TRIP12: variants seen among roughly 807,000 people sequenced by gnomAD.
The protein encoded by TRIP12 is E3 ubiquitin-protein ligase TRIP12.
A neutral mutation model predicts 244.2 loss-of-function variants in TRIP12; 25 were observed. The observed-to-expected ratio is 0.10, with a 90% CI of 0.07 to 0.14. The LOEUF (loss-of-function observed/expected upper bound fraction) is 0.14. Ranked by LOEUF, TRIP12 falls within the 10% of genes least tolerant of loss-of-function variation. The pLI is 1.00. For missense variants in TRIP12, 1,677 were observed against 2,486.4 expected (o/e 0.67, Z 6.92); for synonymous variants, 905 against 873.1 (o/e 1.04, Z -0.64).
intron 20 of TRIP12, among the ~76,000 whole-genome samples, chr2:229,802,971 G>A (rs1404041492): frequency 6.6e-6 from 1 of 152,206 alleles, no homozygotes; most frequent in Admixed American, 6.5e-5. Context: ...TAACTTGTGA[G>A]GCAGGGGTTC....
chr2:229,871,737 T>A (rs2062639222), intron 2 of TRIP12, among the ~76,000 whole-genome samples: 1 of 152,154 alleles, frequency 6.6e-6, no homozygotes, highest in East Asian at 1.9e-4. Context: ...AATTTGAAAT[T>A]AGAAAATACA....
At chr2:229,890,465 A>G (rs893444234) in intron 1 of TRIP12, among the ~76,000 whole-genome samples, 1 of 152,216 alleles carries the variant, frequency 6.6e-6, no homozygotes, top group Non-Finnish European at 1.5e-5. Context: ...AATAAAAAAT[A>G]TTTTAACGTT....
chr2:229,806,389 T>C (rs1366929611), intron 17 of TRIP12, among the ~76,000 whole-genome samples: 1 of 152,190 alleles, frequency 6.6e-6, no homozygotes, highest in African/African-American at 2.4e-5. Context: ...TGAAACAGAT[T>C]AATCGCCAAG....
chr2:229,805,248 A>ACAACAACAACAACAAC (rs11276140), intron 18 of TRIP12, among the ~76,000 whole-genome samples: 1 of 151,974 alleles, frequency 6.6e-6, no homozygotes, highest in Non-Finnish European at 1.5e-5. Context: ...AACAACAACA[A>ACAACAACAACAACAAC]AAATATTTGC....
intron 6 of TRIP12, among the ~76,000 whole-genome samples, chr2:229,835,446 A>G (rs1331954685): frequency 6.6e-6 from 1 of 152,218 alleles, no homozygotes; most frequent in Non-Finnish European, 1.5e-5. Flanking sequence ...TATAAATTAT[A>G]TAAACTCTTG....
chr2:229,840,283 C>T (rs1348185702), intron 5 of TRIP12, among the ~76,000 whole-genome samples: 6 of 151,986 alleles, frequency 3.9e-5, no homozygotes, highest in Middle Eastern at 3.4e-3. Context: ...ATAAAAGTAT[C>T]GTCAAGAAAT....
At chr2:229,869,226 C>T (rs2062093189) in intron 2 of TRIP12, among the ~76,000 whole-genome samples, 1 of 152,132 alleles carries the variant, frequency 6.6e-6, no homozygotes, top group African/African-American at 2.4e-5. Context: ...TTCCTTACTC[C>T]AATCATGTTT....
At chr2:229,849,731 G>C (rs1443014492) in intron 4 of TRIP12, among the ~76,000 whole-genome samples, 1 of 151,978 alleles carries the variant, frequency 6.6e-6, no homozygotes, top group Non-Finnish European at 1.5e-5. Flanking sequence ...AAATTAGCTG[G>C]GTATGGTGGC....
intron 1 of TRIP12, among the ~76,000 whole-genome samples, chr2:229,897,386 G>A (rs1189362813): frequency 6.6e-6 from 1 of 152,188 alleles, no homozygotes; most frequent in Non-Finnish European, 1.5e-5. Flanking sequence ...AGTGGCTCAC[G>A]CCTGTAATCC....
chr2:229,891,593 C>A (rs1459458008), intron 1 of TRIP12, among the ~76,000 whole-genome samples: 1 of 151,896 alleles, frequency 6.6e-6, no homozygotes, highest in African/African-American at 2.4e-5. Context: ...CAGAGGGAGA[C>A]CCTGCGTCAA....
In TRIP12 at chr2:229,778,780, A is replaced by G; in HGVS notation, c.5209+96T>C. On this transcript the variant is annotated intron_variant, in intron 35 of 41. Coordinates refer to ENST00000675903, the MANE Select transcript of TRIP12 (RefSeq NM_001348323.3). This position sits in a 1 kb window ranked among gnomAD's most constrained non-coding sequence, Gnocchi z 4.1. The stretch of plus-strand genomic sequence containing the variant: ...ACAGAGGCTAAAAGAAAGCAAGTAC[A>G]GCTGTCCATTAGAAATTAAATATGT... The G allele has an allele frequency of 7.3e-7, 1 of 1,370,900 alleles. No individual in the cohort carries two copies. Among genetic ancestry groups the G allele is most frequent in the Admixed American group, 1.9e-5 (1 of 53,292 alleles). 84.9% of individuals were successfully genotyped at this position (1,370,900 alleles called of 1,614,324 possible). A position where few individuals can be genotyped will look rare whatever the true frequency, so the allele number is the denominator to read the frequency against.
chr2:229,899,358 T>C (rs888246559), intron 1 of TRIP12, among the ~76,000 whole-genome samples: 2 of 152,206 alleles, frequency 1.3e-5, no homozygotes, highest in African/African-American at 4.8e-5. Flanking sequence ...AGTTAAGGTT[T>C]TCCTCAGGTG....
Position 229,814,050 on chromosome 2 carries a change from T to C in TRIP12, c.1825-19A>G. On this transcript the variant is annotated intron_variant, in intron 12 of 41. Coordinates refer to ENST00000675903, the MANE Select transcript of TRIP12 (RefSeq NM_001348323.3). Reference sequence around the variant, plus strand: ...AACCACCCTAAAATATAGAAAACTGTTAAGGTAAAGAAAAATCCTTTATCA... The same window carrying C: ...AACCACCCTAAAATATAGAAAACTGCTAAGGTAAAGAAAAATCCTTTATCA... 6.4e-7 allele frequency: 1 copy of C among 1,560,936 alleles called. No homozygotes were observed. Among genetic ancestry groups the C allele is most frequent in the Non-Finnish European group, 8.7e-7 (1 of 1,144,598 alleles).
chr2:229,920,458 C>T (rs1197510769), intron 1 of TRIP12, among the ~76,000 whole-genome samples: 1 of 152,024 alleles, frequency 6.6e-6, no homozygotes, highest in Non-Finnish European at 1.5e-5. Flanking sequence ...CGCTATTAAC[C>T]GTACCCGCCT....
intron 2 of TRIP12, among the ~76,000 whole-genome samples, chr2:229,867,089 C>CAT (rs1235918090): frequency 7.2e-6 from 1 of 138,124 alleles, no homozygotes; most frequent in African/African-American, 2.6e-5. Context: ...TACACACACA[C>CAT]ATAGAGGGTT....
chr2:229,887,958 T>C (rs539913437), intron 1 of TRIP12, among the ~76,000 whole-genome samples: 14 of 152,328 alleles, frequency 9.2e-5, no homozygotes, highest in African/African-American at 1.9e-4. Context: ...TTGTTGCCTG[T>C]AGGTTATCAG....
chr2:229,788,909 C>G lies in TRIP12; in HGVS notation c.4727G>C (p.Ser1576Thr). Reference protein sequence around the residue: ...NAMCKEIIPTSEFINSKLTAK... With the variant: ...NAMCKEIIPTTEFINSKLTAK... ...TGTTAACTTACTGTTAATAAATTCA[C>G]TAGTTGGAATAATTTCCTTGCACAT... Residue 1576 changes from serine to threonine, a missense_variant, in exon 32 of 42, where the codon AGT becomes ACT. Physicochemically the swap from Ser to Thr is moderately conservative, Grantham distance 58. Coordinates refer to ENST00000675903, the MANE Select transcript of TRIP12 (RefSeq NM_001348323.3). The G allele has an allele frequency of 6.2e-7, 1 of 1,613,050 alleles. No homozygotes were observed. The highest frequency in any genetic ancestry group is 1.3e-5 in the African/African-American group (1 of 74,878).
At chr2:229,825,590 G>A (rs1657111524) in intron 8 of TRIP12, among the ~76,000 whole-genome samples, 1 of 152,200 alleles carries the variant, frequency 6.6e-6, no homozygotes, top group Non-Finnish European at 1.5e-5. Context: ...AGTGCCAACA[G>A]GGGAAATGCC....
At chr2:229,900,125 G>A (rs2070229112) in intron 1 of TRIP12, among the ~76,000 whole-genome samples, 1 of 152,182 alleles carries the variant, frequency 6.6e-6, no homozygotes, top group South Asian at 2.1e-4. Context: ...ACTATGTACA[G>A]ACTGTTATAC....
Sources: allele counts gnomAD v4.1 joint callset (sites outside exome capture counted in the v4.1 genomes callset), GRCh38; gene constraint gnomAD v4.1.1; non-coding constraint Gnocchi (gnomAD v3.1); transcripts MANE v1.5; gene names NCBI Gene and HGNC (gene_info 2026-07-23, HGNC 2026-07-21).